The following F8 variants were observed in gnomAD, a reference collection of about 807,000 sequenced individuals.
The protein encoded by F8 is antihemophilic factor.
In F8, 12 loss-of-function variants were observed where a neutral mutation model predicts 140.6. That is an observed-to-expected ratio of 0.09 (90% CI 0.05 to 0.14). The LOEUF (loss-of-function observed/expected upper bound fraction) is 0.14, where lower values mean the gene tolerates loss of function less well. Ranked by LOEUF, F8 falls within the 10% of genes least tolerant of loss-of-function variation. F8 has a pLI of 1.00. For missense variants in F8, 1,354 were observed against 1,720.7 expected, an observed-to-expected ratio of 0.79 and a Z score of 3.77; for synonymous variants, 585 against 614.6, an observed-to-expected ratio of 0.95 and a Z score of 0.71.
At chrX:154,953,753 G>T in intron 12 of F8, 139 bp downstream of exon 12, 1 of 795,842 alleles carries the variant, frequency 1.3e-6, no homozygotes, top group Non-Finnish European at 1.9e-6. Context: ...GTGTGTTTGA[G>T]TAAAAATTAT....
intron 1 of F8, among the ~76,000 whole-genome samples, chrX:155,009,248 C>A (rs1223723761): frequency 9.0e-6 from 1 of 111,031 alleles, no homozygotes; most frequent in Non-Finnish European, 1.9e-5. Context: ...TTAACATAAG[C>A]CTATGTAGTT....
intron 20 of F8, among the ~76,000 whole-genome samples, chrX:154,900,626 C>T (rs781953576): frequency 2.1e-4 from 24 of 112,326 alleles, no homozygotes; most frequent in African/African-American, 7.4e-4. Flanking sequence ...TAAAATGTAA[C>T]CCTTCCACCT....
intron 1 of F8, among the ~76,000 whole-genome samples, chrX:155,015,540 T>C (rs1406937964): frequency 8.9e-6 from 1 of 112,242 alleles, no homozygotes; most frequent in African/African-American, 3.2e-5. Context: ...GGCAAACCAT[T>C]ATCCTAAGTG....
intron 13 of F8, among the ~76,000 whole-genome samples, chrX:154,936,064 TA>T (rs1468923950): frequency 1.8e-5 from 2 of 109,031 alleles, no homozygotes; most frequent in Admixed American, 1.0e-4. Context: ...CAGATTTTTT[TA>T]AAAAGATACA....
rs782151438 is a variant in F8, at chrX:154,839,425, C to T, written c.6901-1673G>A. Among the ~76,000 whole-genome samples the T allele has an allele frequency of 1.6e-4, 17 of 106,496 alleles. No individual in the cohort carries two copies. In the East Asian group the frequency reaches 5.1e-3, roughly 32 times the overall value. The allele number at this position is 106,496 out of a possible 115,157, so 92.5% of individuals were successfully genotyped here. ...TCGCCCAGGCTGGAGTGCAGTGGCACCATCTCGGCTCACTGCAAGCTCCGC... is the reference window on the plus strand; with the variant it reads ...TCGCCCAGGCTGGAGTGCAGTGGCATCATCTCGGCTCACTGCAAGCTCCGC... On this transcript the variant is annotated intron_variant, in intron 25 of 25. Transcript: ENST00000360256.
intron 1 of F8, among the ~76,000 whole-genome samples, chrX:155,002,880 C>T (rs782415126): frequency 2.0e-4 from 22 of 111,945 alleles, no homozygotes; most frequent in Non-Finnish European, 3.8e-4. Flanking sequence ...TGATAGTAGC[C>T]ATCCTAATGG....
chrX:154,944,030 A>G (rs1355286168), intron 13 of F8, among the ~76,000 whole-genome samples: 1 of 112,112 alleles, frequency 8.9e-6, no homozygotes, highest in Non-Finnish European at 1.9e-5. Flanking sequence ...AAGATGGATT[A>G]AAGACTTAAA....
chrX:154,967,163 C>G (rs183915500), intron 7 of F8, among the ~76,000 whole-genome samples: 89 of 111,644 alleles, frequency 8.0e-4, no homozygotes, highest in African/African-American at 2.9e-3. Context: ...AAGTACCCCC[C>G]CTTTCCACAT....
chrX:155,015,522 T>C (rs782763313), intron 1 of F8, among the ~76,000 whole-genome samples: 2 of 111,841 alleles, frequency 1.8e-5, no homozygotes, highest in South Asian at 7.4e-4. Flanking sequence ...ACAACCCAAT[T>C]AAAAACTGGC....
At chrX:154,993,786 G>A (rs186090960) in intron 3 of F8, among the ~76,000 whole-genome samples, 1 of 112,476 alleles carries the variant, frequency 8.9e-6, no homozygotes, top group African/African-American at 3.2e-5. Context: ...GTAGGCACTA[G>A]TGAGGGTCAC....
Position 154,860,582 on chromosome X carries a change from T to C in F8, c.6750A>G (p.Gln2250=). 1 of 1,211,974 alleles carries C rather than the reference T, an allele frequency of 8.3e-7. No homozygotes were observed. Among genetic ancestry groups the C allele is most frequent in the Non-Finnish European group, 1.1e-6 (1 of 895,497 alleles). Residue 2250 remains glutamine, a synonymous_variant, in exon 25 of 26, where the codon CAA becomes CAG. Coordinates refer to ENST00000360256, the MANE Select transcript of F8 (RefSeq NM_000132.4). ...PQVNNPKEWL[Q]VDFQKTMKVT... ...CTTTCATTGTCTTCTGGAAGTCCAC[T>C]TGCAGCCACTCTTTTGGATTATTCA...
At chrX:154,999,630 T>C in intron 1 of F8, 30 bp from the exon 2 acceptor site, 1 of 1,191,874 alleles carries the variant, frequency 8.4e-7, no homozygotes, top group Non-Finnish European at 1.1e-6. Flanking sequence ...AGTCGTTCAT[T>C]TTGGTGGACA....
intron 2 of F8, among the ~76,000 whole-genome samples, chrX:154,998,665 T>C (rs2124147854): frequency 8.9e-6 from 1 of 112,117 alleles, no homozygotes; most frequent in East Asian, 2.8e-4. Context: ...ACAGGCTTTT[T>C]CTATTGGGGT....
intron 3 of F8, 112 bp from the exon 4 acceptor site, chrX:154,993,260 C>T (rs1300529922): frequency 1.5e-6 from 1 of 655,733 alleles, no homozygotes; most frequent in Non-Finnish European, 2.4e-6. Context: ...CTTTCTGCAT[C>T]TTTGTTGTTG....
intron 25 of F8, among the ~76,000 whole-genome samples, chrX:154,844,695 A>G (rs1186938797): frequency 8.9e-6 from 1 of 111,817 alleles, no homozygotes; most frequent in Non-Finnish European, 1.9e-5. Context: ...TTTTGGGCTG[A>G]GACAATGGTG....
At chrX:154,963,431 T>G (rs1490489245) in intron 9 of F8, among the ~76,000 whole-genome samples, 2 of 112,014 alleles carry the variant, frequency 1.8e-5, no homozygotes, top group Non-Finnish European at 3.8e-5. Context: ...ATGTGCCACA[T>G]TTTCTTAATC....
chrX:154,931,594 C>T lies in F8; in HGVS notation c.2196G>A (p.Lys732=). The T allele has an allele frequency of 8.3e-7, 1 of 1,211,486 alleles. No homozygotes were observed. The highest frequency in any genetic ancestry group is 1.1e-6 in the Non-Finnish European group (1 of 895,249). The part of the protein sequence containing the change: ...TALLKVSSCD[K]NTGDYYEDSY... ...TGTCCTCGTAATAATCACCAGTGTT[C>T]TTGTCACAACTAGAAACCTTCAGTA... Residue 732 remains lysine (K), a synonymous_variant, in exon 14 of 26, where the codon AAG becomes AAA. Transcript: ENST00000360256.
intron 13 of F8, among the ~76,000 whole-genome samples, chrX:154,946,859 A>T (rs2073307403): frequency 9.0e-6 from 1 of 110,648 alleles, no homozygotes; most frequent in Non-Finnish European, 1.9e-5. Flanking sequence ...TATATAAGAA[A>T]CTCTAGTCAA....
chrX:154,947,224 G>GAAAAAAAA (rs781928603), intron 13 of F8, among the ~76,000 whole-genome samples: 1 of 17,855 alleles, frequency 5.6e-5, no homozygotes, highest in African/African-American at 2.3e-4. Flanking sequence ...GACTCCGTCT[G>GAAAAAAAA]AAAAAAAAAA....
Sources: gnomAD v4.1 joint callset for allele counts (sites outside exome capture counted in the v4.1 genomes callset) on GRCh38, gnomAD v4.1.1 for gene constraint, MANE v1.5 for transcripts, NCBI Gene and HGNC (gene_info 2026-07-23, HGNC 2026-07-21) for gene names.